The following SLC35A3 variants were observed in gnomAD, a reference collection of about 807,000 sequenced individuals.
The protein encoded by SLC35A3 is UDP-N-acetylglucosamine transporter.
In SLC35A3, 26 loss-of-function variants were observed where a neutral mutation model predicts 39.0. The observed-to-expected ratio is 0.67, with a 90% CI of 0.49 to 0.92. SLC35A3 has a LOEUF of 0.92. Among genes scored for constraint, SLC35A3 ranks in the 40% least tolerant of loss-of-function variants. The pLI, the probability that SLC35A3 is intolerant of heterozygous loss-of-function variation, is 0.00. For synonymous variants in SLC35A3, 135 were observed against 133.1 expected, an observed-to-expected ratio of 1.01 and a Z score of -0.10; for missense variants, 299 against 371.6, an observed-to-expected ratio of 0.80 and a Z score of 1.61.
intron 2 of SLC35A3, among the ~76,000 whole-genome samples, chr1:99,995,582 G>C (rs1279142419): frequency 3.3e-5 from 5 of 152,194 alleles, no homozygotes; most frequent in African/African-American, 9.6e-5. Context: ...ACTATTGGGT[G>C]AATGGGTGCT....
intron 7 of SLC35A3, among the ~76,000 whole-genome samples, chr1:100,020,770 T>G (rs1478590423): frequency 6.6e-6 from 1 of 152,032 alleles, no homozygotes; most frequent in Non-Finnish European, 1.5e-5. Flanking sequence ...CTTGGAGACA[T>G]TAGACCTGAA....
At position 99,973,632 on chromosome 1, in the gene SLC35A3, G is replaced by C. The variant is rs142321572; in HGVS notation, c.-19+3470G>C. Among the ~76,000 whole-genome samples, 36 of 152,266 alleles carry C rather than the reference G, an allele frequency of 2.4e-4. No homozygotes were observed. In the East Asian group the frequency reaches 6.8e-3, roughly 29 times the overall value. On this transcript the variant is annotated intron_variant, in intron 1 of 7. Transcript: ENST00000533028. ...CATCTAAAATGAAACCAAAGAGCCA[G>C]TTTAAAATAAGTTGCTGTACTTAGA...
chr1:100,010,834 C>CCCAG (rs936459221), intron 4 of SLC35A3, among the ~76,000 whole-genome samples: 2 of 152,190 alleles, frequency 1.3e-5, no homozygotes, highest in Non-Finnish European at 2.9e-5. Flanking sequence ...GTGCAATGAT[C>CCCAG]CTGGAGTCCC....
intron 1 of SLC35A3, chr1:99,970,561 C>T (rs1343253832): frequency 2.6e-6 from 4 of 1,535,848 alleles, no homozygotes; most frequent in Non-Finnish European, 2.6e-6. Context: ...GGTGTTGAGC[C>T]CTGTGGTAGG....
intron 1 of SLC35A3, among the ~76,000 whole-genome samples, chr1:99,986,640 T>C (rs1259386595): frequency 2.0e-5 from 3 of 152,124 alleles, no homozygotes; most frequent in African/African-American, 7.2e-5. Context: ...CAGGCTGGAG[T>C]GCAGTGGTAC....
In SLC35A3 at chr1:100,023,168, G is replaced by T. The variant is rs1176586889; in HGVS notation, c.*692G>T. 1 of 152,262 alleles carries T rather than the reference G, an allele frequency of 6.6e-6. No homozygotes were observed. Among genetic ancestry groups the T allele is most frequent in the East Asian group, 1.9e-4 (1 of 5,186 alleles). 9.4% of individuals were successfully genotyped at this position (152,262 alleles called of 1,614,324 possible). On this transcript the variant is annotated 3_prime_UTR_variant, in exon 8 of 8. Coordinates refer to ENST00000533028, the MANE Select transcript of SLC35A3 (RefSeq NM_012243.3). Reference sequence around the variant, plus strand: ...CAAGACTGCTGAAAGCAATCCAGTTGCTCCTGTGCTAGATGGTAGCCAGAG... The same window carrying T: ...CAAGACTGCTGAAAGCAATCCAGTTTCTCCTGTGCTAGATGGTAGCCAGAG...
rs188015424 is a variant in SLC35A3, at chr1:100,032,697, C to T, written c.*10221C>T. ...AGTAGCTGGGACTATAGGTGCCTGC[C>T]ACCGCGCCTGGCTAATTTTTTGTAT... On this transcript the variant is annotated 3_prime_UTR_variant, in exon 8 of 8. Coordinates refer to ENST00000533028, the MANE Select transcript of SLC35A3 (RefSeq NM_012243.3). The T allele has an allele frequency of 6.6e-6, 1 of 152,344 alleles. No individual in the cohort carries two copies. The highest frequency in any genetic ancestry group is 1.5e-5 in the Non-Finnish European group (1 of 68,074). The allele number at this position is 152,344 out of a possible 1,614,324, so 9.4% of individuals were successfully genotyped here. A position where few individuals can be genotyped will look rare whatever the true frequency, so the allele number is the denominator to read the frequency against.
chr1:99,977,199 C>A (rs1301208194), intron 1 of SLC35A3, among the ~76,000 whole-genome samples: 1 of 151,772 alleles, frequency 6.6e-6, no homozygotes, highest in South Asian at 2.1e-4. Context: ...TTATTTAAGA[C>A]AGGGTCTTAC....
Position 100,035,625 on chromosome 1 carries a change from G to C in SLC35A3, c.*13149G>C, listed in dbSNP as rs1275215566. ...TATCCCTGGCATCTAATAAAACACTGACAACACAAGCACCCAGTAAATATT... is the reference window on the plus strand; with the variant it reads ...TATCCCTGGCATCTAATAAAACACTCACAACACAAGCACCCAGTAAATATT... On this transcript the variant is annotated 3_prime_UTR_variant, in exon 8 of 8. Coordinates refer to ENST00000533028, the MANE Select transcript of SLC35A3 (RefSeq NM_012243.3). 2 of 152,124 alleles carry C rather than the reference G, an allele frequency of 1.3e-5. No individual in the cohort carries two copies. The highest frequency in any genetic ancestry group is 1.3e-4 in the Admixed American group (2 of 15,266). 9.4% of individuals were successfully genotyped at this position (152,124 alleles called of 1,614,324 possible). A position where few individuals can be genotyped will look rare whatever the true frequency, so the allele number is the denominator to read the frequency against.
rs1660846282 is a variant in SLC35A3 at position 100,025,267 on chromosome 1, A to G, written c.*2791A>G. 1 of 152,232 alleles carries G rather than the reference A, an allele frequency of 6.6e-6. No homozygotes were observed. Among genetic ancestry groups the G allele is most frequent in the African/African-American group, 2.4e-5 (1 of 41,470 alleles). The allele number at this position is 152,232 out of a possible 1,614,324, so 9.4% of individuals were successfully genotyped here. ...ATATAATGATTTATGTTTAGCTCAC[A>G]TTGAAGTATTGGTTGGTTACTTATG... On this transcript the variant is annotated 3_prime_UTR_variant, in exon 8 of 8. Transcript: ENST00000533028.
chr1:100,012,752 C>T (rs1380265401), intron 5 of SLC35A3, among the ~76,000 whole-genome samples: 1 of 152,112 alleles, frequency 6.6e-6, no homozygotes, highest in African/African-American at 2.4e-5. Context: ...AAAAGTCTAT[C>T]CTATAAGAGC....
chr1:100,003,408 C>T (rs1658960201), intron 3 of SLC35A3, among the ~76,000 whole-genome samples: 1 of 115,848 alleles, frequency 8.6e-6, no homozygotes, highest in African/African-American at 3.3e-5. Context: ...AAGATTGAAA[C>T]TCCATCTCAA....
intron 3 of SLC35A3, among the ~76,000 whole-genome samples, chr1:100,002,738 T>A (rs1658894675): frequency 1.3e-5 from 2 of 152,034 alleles, no homozygotes. Context: ...CATCTCAGCC[T>A]CCTGAATAGC....
At chr1:100,014,897 A>G (rs1659955169) in intron 5 of SLC35A3, among the ~76,000 whole-genome samples, 1 of 152,154 alleles carries the variant, frequency 6.6e-6, no homozygotes, top group Non-Finnish European at 1.5e-5. Context: ...CGTAACTCAC[A>G]CCTGTAATCC....
At position 100,007,154 on chromosome 1, in the gene SLC35A3, C is replaced by T. The variant is rs1385539368; in HGVS notation, c.463C>T (p.Gln155Ter). ...TTTGATGACAGGAGTTGCTTTTGTACAGGTAACTATTCAAGATAAGTATAT... is the reference window on the plus strand; with the variant it reads ...TTTGATGACAGGAGTTGCTTTTGTATAGGTAACTATTCAAGATAAGTATAT... ...VILMTGVAFV[Q>*]WPSDSQLDSK... The change falls in exon 4 of 8, where the codon CAG becomes TAG. Residue 155 changes from glutamine to a stop codon, truncating the protein, a stop_gained and splice_region_variant. Coordinates refer to ENST00000533028, the MANE Select transcript of SLC35A3 (RefSeq NM_012243.3). LOFTEE classifies it high-confidence loss of function. 1 of 1,604,628 alleles carries T rather than the reference C, an allele frequency of 6.2e-7. No individual in the cohort carries two copies. The highest frequency in any genetic ancestry group is 1.1e-5 in the South Asian group (1 of 88,886).
rs774263178 is a variant in SLC35A3 at position 100,007,038 on chromosome 1, C to T, written c.347C>T (p.Thr116Met). ...SNLDAATYQV[T>M]YQLKILTTAL... ...TATTACTGTTTTCTTTTTCAGGTCACGTATCAGTTAAAAATTCTTACAACA... is the reference window on the plus strand; with the variant it reads ...TATTACTGTTTTCTTTTTCAGGTCATGTATCAGTTAAAAATTCTTACAACA... The change falls in exon 4 of 8, where the codon ACG (threonine) becomes ATG (methionine). Residue 116 changes from threonine (T) to methionine (M), a missense_variant. Physicochemically the swap from Thr to Met is moderately conservative, Grantham distance 81. Coordinates refer to ENST00000533028, the MANE Select transcript of SLC35A3 (RefSeq NM_012243.3). 13 of 1,604,480 alleles carry T rather than the reference C, an allele frequency of 8.1e-6. No individual in the cohort carries two copies. The highest frequency in any genetic ancestry group is 1.7e-5 in the Admixed American group (1 of 57,972).
chr1:99,997,830 A>G (rs1041768086), intron 2 of SLC35A3, among the ~76,000 whole-genome samples: 2 of 151,526 alleles, frequency 1.3e-5, no homozygotes, highest in Non-Finnish European at 3.0e-5. Context: ...CCTGTTTATC[A>G]CCAGAATGGG....
Position 100,024,903 on chromosome 1 carries a change from G to C in SLC35A3, c.*2427G>C. ...ATTGGCTCAAAAATACTATGTTACA[G>C]ACTGTTGGGTACCCTTGCCTAACGT... On this transcript the variant is annotated 3_prime_UTR_variant, in exon 8 of 8. Transcript: ENST00000533028. 2.8e-6 allele frequency: 1 copy of C among 359,150 alleles called. No individual in the cohort carries two copies. The highest frequency in any genetic ancestry group is 5.0e-6 in the Non-Finnish European group (1 of 201,836). The allele number at this position is 359,150 out of a possible 1,614,324, so 22.2% of individuals were successfully genotyped here. A position where few individuals can be genotyped will look rare whatever the true frequency, so the allele number is the denominator to read the frequency against.
rs139029706 is a variant in SLC35A3, at chr1:99,993,658, C to G, written c.104C>G (p.Pro35Arg). 19 of 1,613,848 alleles carry G rather than the reference C, an allele frequency of 1.2e-5. No individual in the cohort carries two copies. In the African/African-American group the frequency reaches 2.4e-4, roughly 20 times the overall value. Residue 35 changes from proline to arginine, a missense_variant, in exon 2 of 8, where the codon CCT becomes CGT. Pro to Arg is a moderately radical substitution (Grantham distance 103). Coordinates refer to ENST00000533028, the MANE Select transcript of SLC35A3 (RefSeq NM_012243.3). ...RYSRTLKEEGPRYLSSTAVVV... is the reference protein window; with the variant it reads ...RYSRTLKEEGRRYLSSTAVVV... Reference sequence around the variant, plus strand: ...TCCAGAACTTTAAAAGAAGAAGGACCTCGTTATCTATCTTCTACAGCAGTG... The same window carrying G: ...TCCAGAACTTTAAAAGAAGAAGGACGTCGTTATCTATCTTCTACAGCAGTG...
Sources: allele counts gnomAD v4.1 joint callset (sites outside exome capture counted in the v4.1 genomes callset), GRCh38; gene constraint gnomAD v4.1.1; transcripts MANE v1.5; gene names NCBI Gene and HGNC (gene_info 2026-07-23, HGNC 2026-07-21).